The following CTSO variants were observed in gnomAD, a reference collection of about 807,000 sequenced individuals.
The protein encoded by CTSO is cathepsin O.
In CTSO, 40 loss-of-function variants were observed where a neutral mutation model predicts 42.4. The observed-to-expected ratio is 0.94, with a 90% CI of 0.73 to 1.23. The LOEUF (loss-of-function observed/expected upper bound fraction) is 1.23, where lower values mean the gene tolerates loss of function less well. Among genes scored for constraint, CTSO ranks in the 50% most tolerant of loss-of-function variants. The probability of loss-of-function intolerance (pLI) is 0.00; values close to 1 mark genes in which losing one functional copy is unlikely to be tolerated. For missense variants in CTSO, 441 were observed against 396.0 expected, an observed-to-expected ratio of 1.11 and a Z score of -0.96; for synonymous variants, 156 against 146.2, an observed-to-expected ratio of 1.07 and a Z score of -0.48.
intron 3 of CTSO, among the ~76,000 whole-genome samples, chr4:155,940,543 G>A (rs1743411033): frequency 6.6e-6 from 1 of 152,098 alleles, no homozygotes; most frequent in African/African-American, 2.4e-5. Flanking sequence ...ATACAGCAGG[G>A]TCTCCAAACT....
intron 3 of CTSO, among the ~76,000 whole-genome samples, chr4:155,941,751 A>G (rs887001798): frequency 6.6e-6 from 1 of 152,174 alleles, no homozygotes; most frequent in Non-Finnish European, 1.5e-5. Context: ...TTATGGCTGA[A>G]CTGACTACTA....
chr4:155,949,641 C>A (rs145229174), intron 1 of CTSO, among the ~76,000 whole-genome samples: 3 of 152,190 alleles, frequency 2.0e-5, no homozygotes, highest in Admixed American at 6.5e-5. Flanking sequence ...ATAAATTGTA[C>A]ACATAGATTT....
At chr4:155,926,855 T>C (rs1743136556) in intron 7 of CTSO, among the ~76,000 whole-genome samples, 1 of 152,174 alleles carries the variant, frequency 6.6e-6, no homozygotes, top group Non-Finnish European at 1.5e-5. Flanking sequence ...TATGAACCAA[T>C]ATTTGAATTA....
chr4:155,939,499 C>T lies in CTSO; in HGVS notation c.424G>A (p.Glu142Lys). The T allele has an allele frequency of 6.2e-7, 1 of 1,613,968 alleles. No individual in the cohort carries two copies. The highest frequency in any genetic ancestry group is 8.5e-7 in the Non-Finnish European group (1 of 1,179,916). ...CWAFSVVGAVESAYAIKGKPL... is the reference protein window; with the variant it reads ...CWAFSVVGAVKSAYAIKGKPL... ...TTCCCCTTTATTGCATAAGCAGATT[C>T]CACTGCCCCCACCACGCTGAAGGCC... The change falls in exon 4 of 8, where the codon GAA (glutamate) becomes AAA (lysine). Residue 142 changes from glutamate (E) to lysine (K), a missense_variant. Glu to Lys is a moderately conservative substitution (Grantham distance 56). Coordinates refer to ENST00000433477, the MANE Select transcript of CTSO (RefSeq NM_001334.3).
intron 1 of CTSO, among the ~76,000 whole-genome samples, chr4:155,949,511 A>G (rs1743608193): frequency 6.6e-6 from 1 of 152,152 alleles, no homozygotes; most frequent in Non-Finnish European, 1.5e-5. Flanking sequence ...GAGACACCTA[A>G]GGTACTTTGG....
intron 5 of CTSO, among the ~76,000 whole-genome samples, chr4:155,930,340 T>C (rs1743213041): frequency 6.6e-6 from 1 of 152,224 alleles, no homozygotes; most frequent in Non-Finnish European, 1.5e-5. Flanking sequence ...AATATAATTA[T>C]ACAATAGAAG....
intron 1 of CTSO, among the ~76,000 whole-genome samples, chr4:155,950,506 G>GA (rs10550978): frequency 4.6e-5 from 7 of 152,020 alleles, no homozygotes; most frequent in Non-Finnish European, 8.8e-5. Context: ...AGATTCATCA[G>GA]AAAAAGTCTG....
At chr4:155,929,059 C>G (rs979751705) in intron 6 of CTSO, among the ~76,000 whole-genome samples, 1 of 152,212 alleles carries the variant, frequency 6.6e-6, no homozygotes, top group South Asian at 2.1e-4. Flanking sequence ...TGCTTAAAGG[C>G]GTTCTTAAGC....
intron 1 of CTSO, among the ~76,000 whole-genome samples, chr4:155,945,478 C>CTTGA (rs1357112491): frequency 2.0e-5 from 3 of 152,210 alleles, no homozygotes; most frequent in Admixed American, 2.0e-4. Context: ...AAATAGAAAA[C>CTTGA]TTGAGCAGCC....
chr4:155,934,945 G>A (rs867553596), intron 5 of CTSO, among the ~76,000 whole-genome samples: 7 of 152,192 alleles, frequency 4.6e-5, no homozygotes, highest in South Asian at 2.1e-4. Flanking sequence ...GTTTTGAAAT[G>A]TGAAGACATG....
intron 4 of CTSO, 103 bp downstream of exon 4, chr4:155,939,268 G>A: frequency 9.9e-7 from 1 of 1,005,408 alleles, no homozygotes; most frequent in Non-Finnish European, 1.4e-6. Flanking sequence ...TCCGAACGTG[G>A]AAACATTATT....
chr4:155,944,931 A>T (rs1374094650), intron 1 of CTSO, among the ~76,000 whole-genome samples: 2 of 146,170 alleles, frequency 1.4e-5, no homozygotes, highest in African/African-American at 2.5e-5. Flanking sequence ...CTATTAGTTC[A>T]CAGGAATTGC....
At chr4:155,932,380 G>A (rs1179240420) in intron 5 of CTSO, among the ~76,000 whole-genome samples, 3 of 152,082 alleles carry the variant, frequency 2.0e-5, no homozygotes, top group African/African-American at 4.8e-5. Context: ...GGCTCTCCCT[G>A]AGTCTCAGGC....
At position 155,924,870 on chromosome 4, in the gene CTSO, A is replaced by C. The variant is rs973652965; in HGVS notation, c.*1166T>G. On this transcript the variant is annotated 3_prime_UTR_variant, in exon 8 of 8. Coordinates refer to ENST00000433477, the MANE Select transcript of CTSO (RefSeq NM_001334.3). ...TCACTTGTGCAATTAGTGATGCAAG[A>C]GTGATCACAGGAATCAAGACTGGGA... 1 of 152,352 alleles carries C rather than the reference A, an allele frequency of 6.6e-6. No homozygotes were observed. The highest frequency in any genetic ancestry group is 2.4e-5 in the African/African-American group (1 of 41,440). 9.4% of individuals were successfully genotyped at this position (152,352 alleles called of 1,614,324 possible).
chr4:155,938,282 T>C (rs942970757), intron 4 of CTSO, among the ~76,000 whole-genome samples: 2 of 152,208 alleles, frequency 1.3e-5, no homozygotes, highest in Non-Finnish European at 2.9e-5. Context: ...AATGCTAGGC[T>C]AATGAAAGGG....
At chr4:155,949,898 C>T (rs1462024575) in intron 1 of CTSO, among the ~76,000 whole-genome samples, 1 of 152,192 alleles carries the variant, frequency 6.6e-6, no homozygotes, top group Non-Finnish European at 1.5e-5. Context: ...CATGCTGCTA[C>T]TCACCCTACA....
chr4:155,937,300 C>T, intron 5 of CTSO, 62 bp downstream of exon 5: 7 of 1,366,764 alleles, frequency 5.1e-6, no homozygotes, highest in Non-Finnish European at 7.2e-6. Context: ...AAATTATTAA[C>T]CAGTCAATAG....
intron 5 of CTSO, among the ~76,000 whole-genome samples, chr4:155,934,854 G>C (rs1265253152): frequency 1.3e-5 from 2 of 152,174 alleles, no homozygotes; most frequent in African/African-American, 4.8e-5. Flanking sequence ...CCTTCTCTCA[G>C]ATGAGACTTT....
Position 155,946,973 on chromosome 4 carries a change from A to T in CTSO, c.136-3709T>A, listed in dbSNP as rs1056236083. ...CGGGTTCACCCCATTCTCCTGCCTC[A>T]GCCTCCCGAGTAGCTGGGACTACGG... On this transcript the variant is annotated intron_variant, in intron 1 of 7. Coordinates refer to ENST00000433477, the MANE Select transcript of CTSO (RefSeq NM_001334.3). Among the ~76,000 whole-genome samples, 5 of 152,188 alleles carry T rather than the reference A, an allele frequency of 3.3e-5. No homozygotes were observed. In the East Asian group the frequency reaches 9.7e-4, roughly 29 times the overall value.
Sources: gnomAD v4.1 joint callset for allele counts (sites outside exome capture counted in the v4.1 genomes callset) on GRCh38, gnomAD v4.1.1 for gene constraint, MANE v1.5 for transcripts, NCBI Gene and HGNC (gene_info 2026-07-23, HGNC 2026-07-21) for gene names.